Variants in PPARGC1A observed in about 807,000 individuals in gnomAD.
The protein encoded by PPARGC1A is peroxisome proliferator-activated receptor gamma coactivator 1-alpha.
Under a neutral mutation model 88.7 loss-of-function variants are expected in PPARGC1A, and 25 were observed. That is an observed-to-expected ratio of 0.28 (90% CI 0.21 to 0.39). PPARGC1A has a LOEUF of 0.39. Ranked by LOEUF, PPARGC1A falls within the 10% of genes least tolerant of loss-of-function variation. The pLI, the probability that PPARGC1A is intolerant of heterozygous loss-of-function variation, is 1.00. For missense variants in PPARGC1A, 880 were observed against 968.7 expected (o/e 0.91, Z 1.22); for synonymous variants, 363 against 355.6 (o/e 1.02, Z -0.24).
the PPARGC1A span, among the ~76,000 whole-genome samples, chr4:24,300,324 A>ATTTTTTT: frequency 1.1e-3 from 51 of 45,026 alleles, 9 homozygotes; most frequent in Non-Finnish European, 1.5e-3. Context: ...ATACAATAGC[A>ATTTTTTT]TTTTTTTTTT....
chr4:24,196,477 C>T, the PPARGC1A span, among the ~76,000 whole-genome samples: 1 of 152,158 alleles, frequency 6.6e-6, no homozygotes, highest in Non-Finnish European at 1.5e-5. Context: ...GTAGTAATAA[C>T]AATTACCCAA....
At chr4:23,913,527 T>C in the PPARGC1A span, among the ~76,000 whole-genome samples, 1 of 151,934 alleles carries the variant, frequency 6.6e-6, no homozygotes, top group African/African-American at 2.4e-5. Context: ...AAGCCCAGGA[T>C]AGTAACTTTC....
At chr4:24,387,830 A>G in the PPARGC1A span, among the ~76,000 whole-genome samples, 64 of 96,566 alleles carry the variant, frequency 6.6e-4, 2 homozygotes, top group East Asian at 0.01. Flanking sequence ...GAAAGAGAGA[A>G]AGAGAGAAAG....
chr4:24,106,640 A>G, the PPARGC1A span, among the ~76,000 whole-genome samples: 3 of 152,196 alleles, frequency 2.0e-5, no homozygotes, highest in African/African-American at 4.8e-5. Flanking sequence ...TGACTCTGCA[A>G]TGACTCCCAC....
At chr4:24,378,205 C>A in the PPARGC1A span, among the ~76,000 whole-genome samples, 5 of 152,010 alleles carry the variant, frequency 3.3e-5, no homozygotes, top group African/African-American at 1.2e-4. Flanking sequence ...GGCATGGCTG[C>A]GCATGCCTGT....
chr4:23,816,363 T>C (rs770143325), intron 7 of PPARGC1A, among the ~76,000 whole-genome samples: 1 of 152,194 alleles, frequency 6.6e-6, no homozygotes, highest in Middle Eastern at 3.2e-3. Context: ...CACTCAACTC[T>C]TGTTTCCTCT....
At chr4:24,172,882 C>T in the PPARGC1A span, among the ~76,000 whole-genome samples, 1 of 152,182 alleles carries the variant, frequency 6.6e-6, no homozygotes, top group South Asian at 2.1e-4. Context: ...TCAGTTTTTG[C>T]CATCTTACCA....
chr4:23,994,667 G>T, the PPARGC1A span, among the ~76,000 whole-genome samples: 1 of 152,168 alleles, frequency 6.6e-6, no homozygotes, highest in South Asian at 2.1e-4. Flanking sequence ...CAGACCAGAA[G>T]GAAGGATACA....
the PPARGC1A span, among the ~76,000 whole-genome samples, chr4:23,974,266 G>A: frequency 6.6e-6 from 1 of 152,126 alleles, no homozygotes; most frequent in African/African-American, 2.4e-5. Context: ...TTATATACAC[G>A]CAGAGCAGAT....
the PPARGC1A span, among the ~76,000 whole-genome samples, chr4:24,264,483 G>T: frequency 6.6e-6 from 1 of 152,232 alleles, no homozygotes; most frequent in Non-Finnish European, 1.5e-5. Flanking sequence ...AGCTTTGGAA[G>T]CATCAAGAGC....
chr4:24,317,554 CTAAAAAAAAAAAAAA>C, the PPARGC1A span, among the ~76,000 whole-genome samples: 5 of 14,254 alleles, frequency 3.5e-4, no homozygotes, highest in Non-Finnish European at 9.7e-4. Context: ...GTTCAGAGGA[CTAAAAAAAAAAAAAA>C]AAAAAAAAAA....
intron 2 of PPARGC1A, among the ~76,000 whole-genome samples, chr4:23,851,776 T>A (rs1729340363): frequency 6.6e-6 from 1 of 152,166 alleles, no homozygotes; most frequent in South Asian, 2.1e-4. Flanking sequence ...CACCAAAGAT[T>A]CTCTGAGATT....
chr4:24,078,493 C>A, the PPARGC1A span, among the ~76,000 whole-genome samples: 1 of 152,056 alleles, frequency 6.6e-6, no homozygotes, highest in African/African-American at 2.4e-5. Context: ...GTCCCCTAGT[C>A]CAGATATCTG....
the PPARGC1A span, among the ~76,000 whole-genome samples, chr4:24,064,225 A>AG: frequency 6.6e-6 from 1 of 152,218 alleles, no homozygotes; most frequent in Non-Finnish European, 1.5e-5. Context: ...AACTGGGAAG[A>AG]ACAATCAATG....
the PPARGC1A span, among the ~76,000 whole-genome samples, chr4:24,033,850 T>C: frequency 0.18 from 27,742 of 152,060 alleles, 2,701 homozygotes; most frequent in Admixed American, 0.26. Context: ...AGCCGGTTGA[T>C]GGAATGTTTA....
the PPARGC1A span, among the ~76,000 whole-genome samples, chr4:24,127,604 T>G: frequency 5.3e-5 from 8 of 151,808 alleles, no homozygotes; most frequent in African/African-American, 1.7e-4. Context: ...GAGATAGAGA[T>G]AGAACTTCAT....
the PPARGC1A span, among the ~76,000 whole-genome samples, chr4:24,461,622 T>G: frequency 3.3e-5 from 5 of 152,274 alleles, no homozygotes; most frequent in Non-Finnish European, 7.4e-5. Flanking sequence ...TGTGTGTGTG[T>G]GTGTGTGACT....
At chr4:23,988,352 G>T in the PPARGC1A span, among the ~76,000 whole-genome samples, 4 of 152,026 alleles carry the variant, frequency 2.6e-5, no homozygotes, top group African/African-American at 9.7e-5. Flanking sequence ...GATCCTTGAG[G>T]AATCACCACA....
chr4:24,450,557 T>C, the PPARGC1A span, among the ~76,000 whole-genome samples: 1 of 152,198 alleles, frequency 6.6e-6, no homozygotes, highest in African/African-American at 2.4e-5. Context: ...TAGGAAAATA[T>C]AACTGTTTCA....
Sources: allele counts gnomAD v4.1 joint callset (sites outside exome capture counted in the v4.1 genomes callset), GRCh38; gene constraint gnomAD v4.1.1; transcripts MANE v1.5; gene names NCBI Gene and HGNC (gene_info 2026-07-23, HGNC 2026-07-21).